The following MYO15A variants were observed in gnomAD, a reference collection of about 807,000 sequenced individuals.
MYO15A encodes the protein myosin XVA.
Under a neutral mutation model 394.6 loss-of-function variants are expected in MYO15A, and 308 were observed. The ratio of observed to expected loss-of-function variants is 0.78; its 90% CI spans 0.71 to 0.86. The LOEUF (loss-of-function observed/expected upper bound fraction) is 0.86, where lower values mean the gene tolerates loss of function less well. Among genes scored for constraint, MYO15A ranks in the 40% least tolerant of loss-of-function variants. The probability of loss-of-function intolerance (pLI) is 0.00; values close to 1 mark genes in which losing one functional copy is unlikely to be tolerated. For missense variants in MYO15A, 4,606 were observed against 4,799.1 expected, an observed-to-expected ratio of 0.96 and a Z score of 1.19; for synonymous variants, 1,957 against 2,003.8, an observed-to-expected ratio of 0.98 and a Z score of 0.62.
chr17:18,179,468 C>A lies in MYO15A; in HGVS notation c.*598C>A. On this transcript the variant is annotated 3_prime_UTR_variant, in exon 66 of 66. Coordinates refer to ENST00000647165, the MANE Select transcript of MYO15A (RefSeq NM_016239.4). Reference sequence around the variant, plus strand: ...AGGCAGGAGTTGGAGTTACCTTAGGCCCCTGATTCACTGCCTATGAACAGA... The same window carrying A: ...AGGCAGGAGTTGGAGTTACCTTAGGACCCTGATTCACTGCCTATGAACAGA... 5.5e-6 allele frequency: 1 copy of A among 181,628 alleles called. No individual in the cohort carries two copies. Among genetic ancestry groups the A allele is most frequent in the Non-Finnish European group, 1.2e-5 (1 of 84,248 alleles). 11.3% of individuals were successfully genotyped at this position (181,628 alleles called of 1,614,324 possible).
chr17:18,128,816 G>A (rs1397806034), intron 7 of MYO15A, among the ~76,000 whole-genome samples: 1 of 152,114 alleles, frequency 6.6e-6, no homozygotes, highest in Non-Finnish European at 1.5e-5. Flanking sequence ...GCTGAGATTT[G>A]CAGTCCATGG....
At chr17:18,134,120 G>T (rs2046220896) in intron 12 of MYO15A, among the ~76,000 whole-genome samples, 2 of 151,984 alleles carry the variant, frequency 1.3e-5, no homozygotes, top group African/African-American at 4.8e-5. Flanking sequence ...CTCCTGAGTA[G>T]CTGGGACTAC....
chr17:18,121,670 C>G lies in MYO15A; in HGVS notation c.2870C>G (p.Pro957Arg). The G allele has an allele frequency of 6.2e-7, 1 of 1,607,212 alleles. No homozygotes were observed. Among genetic ancestry groups the G allele is most frequent in the South Asian group, 1.1e-5 (1 of 90,336 alleles). ...AGCCGCCGAGGCTTTTCCAGGCCAC[C>G]CCCTGTGCCGGAAAACCCCTTTCTC... Reference protein sequence around the residue: ...AGSRRGFSRPPPVPENPFLQL... With the variant: ...AGSRRGFSRPRPVPENPFLQL... The change falls in exon 2 of 66, where the codon CCC (proline) becomes CGC (arginine). Residue 957 changes from proline to arginine, a missense_variant. Transcript: ENST00000647165. This position sits in a 1 kb window ranked among gnomAD's most constrained non-coding sequence, Gnocchi z 5.3.
chr17:18,124,698 A>C, intron 3 of MYO15A, 133 bp downstream of exon 3: 1 of 859,076 alleles, frequency 1.2e-6, no homozygotes, highest in Non-Finnish European at 1.8e-6. Flanking sequence ...GAAGTGTCAC[A>C]AAGACTAAAT....
Position 18,118,750 on chromosome 17 carries a change from C to T in MYO15A, c.-51C>T. 1.2e-6 allele frequency: 2 copies of T among 1,606,556 alleles called. No individual in the cohort carries two copies. Among genetic ancestry groups the T allele is most frequent in the South Asian group, 1.1e-5 (1 of 89,630 alleles). Reference sequence around the variant, plus strand: ...AGAGCAGGTCCCTGTGTCTCCAAGTCCCTGAGCCCGTGACACCGGCCCCAG... The same window carrying T: ...AGAGCAGGTCCCTGTGTCTCCAAGTTCCTGAGCCCGTGACACCGGCCCCAG... On this transcript the variant is annotated 5_prime_UTR_variant, in exon 2 of 66. Coordinates refer to ENST00000647165, the MANE Select transcript of MYO15A (RefSeq NM_016239.4).
rs373282811 is a variant in MYO15A, at chr17:18,163,363, C to A, written c.9690+42C>A. On this transcript the variant is annotated intron_variant, in intron 59 of 65. Coordinates refer to ENST00000647165, the MANE Select transcript of MYO15A (RefSeq NM_016239.4). ...CTCCTGCAGCCAGGTACTGGAGGGG[C>A]AGGGACAAGGACAGCCCAGGCTCCA... The A allele has an allele frequency of 7.8e-5, 124 of 1,595,198 alleles. No individual in the cohort carries two copies. In the African/African-American group the frequency reaches 1.3e-3, roughly 17 times the overall value.
rs2142242418 is a variant in MYO15A, at chr17:18,119,699, AT to A, written c.900del (p.Pro301ArgfsTer143). On this transcript the variant is annotated frameshift_variant, in exon 2 of 66. Coordinates refer to ENST00000647165, the MANE Select transcript of MYO15A (RefSeq NM_016239.4). LOFTEE classifies it high-confidence loss of function. The part of the protein sequence containing the change: ...YHPDYYGGPF[D>X]PGYTYGYGYD... ...CCCGACTATTACGGTGGCCCCTTTG[AT>A]CCGGGGTACACCTACGGCTACGGCT... is the stretch of plus-strand genomic sequence containing the variant. The A allele has an allele frequency of 6.2e-7, 1 of 1,610,084 alleles. No homozygotes were observed. The highest frequency in any genetic ancestry group is 2.2e-5 in the East Asian group (1 of 44,816).
At chr17:18,161,859 G>A (rs2046782041) in intron 57 of MYO15A, among the ~76,000 whole-genome samples, 1 of 151,944 alleles carries the variant, frequency 6.6e-6, no homozygotes, top group Non-Finnish European at 1.5e-5. Context: ...GCAGAGGTGG[G>A]CCCAAGCTGG....
Position 18,158,941 on chromosome 17 carries a change from A to G in MYO15A, c.9100A>G (p.Lys3034Glu). Residue 3034 changes from lysine (K) to glutamate (E), a missense_variant, in exon 53 of 66, where the codon AAA becomes GAA. Physicochemically the swap from Lys to Glu is moderately conservative, Grantham distance 56 (BLOSUM62 1). Transcript: ENST00000647165. ...QRRPQDGLRLKSKEPRESRTL... is the reference protein window; with the variant it reads ...QRRPQDGLRLESKEPRESRTL... Reference sequence around the variant, plus strand: ...CCACTGCAGGGATGGCCTCAGGCTGAAATCCAAGGAGCCTCGGGAGTCCAG... The same window carrying G: ...CCACTGCAGGGATGGCCTCAGGCTGGAATCCAAGGAGCCTCGGGAGTCCAG... 6.2e-7 allele frequency: 1 copy of G among 1,614,172 alleles called. No individual in the cohort carries two copies. The highest frequency in any genetic ancestry group is 8.5e-7 in the Non-Finnish European group (1 of 1,179,990).
chr17:18,132,060 T>C lies in MYO15A; in HGVS notation c.4207-393T>C, dbSNP rs927598275. On this transcript the variant is annotated intron_variant, in intron 10 of 65. Transcript: ENST00000647165. The surrounding 1 kb of genome is among the most constrained non-coding windows in gnomAD (Gnocchi z 4.6). Reference sequence around the variant, plus strand: ...TCTCTCTACGTTGTTCCCCACTATGTCCCAAGGGCCTAGGACAGGGCTTGG... The same window carrying C: ...TCTCTCTACGTTGTTCCCCACTATGCCCCAAGGGCCTAGGACAGGGCTTGG... Among the ~76,000 whole-genome samples, 2 of 152,106 alleles carry C rather than the reference T, an allele frequency of 1.3e-5. No individual in the cohort carries two copies. The highest frequency in any genetic ancestry group is 4.8e-5 in the African/African-American group (2 of 41,422).
chr17:18,119,524 G>C lies in MYO15A; in HGVS notation c.724G>C (p.Gly242Arg). The C allele has an allele frequency of 6.2e-7, 1 of 1,610,622 alleles. No homozygotes were observed. Among genetic ancestry groups the C allele is most frequent in the Non-Finnish European group, 8.5e-7 (1 of 1,179,966 alleles). ...CGAGTATTATGACTATCACCGCGAC[G>C]GCGACGACTACTACGACCGGCAGTC... ...LGEYYDYHRDGDDYYDRQSLH... is the reference protein window; with the variant it reads ...LGEYYDYHRDRDDYYDRQSLH... The change falls in exon 2 of 66, where the codon GGC becomes CGC. Residue 242 changes from glycine to arginine, a missense_variant. Gly to Arg is a moderately radical substitution (Grantham distance 125). Around this residue, in one of 2 missense-constraint regions of MYO15A, gnomAD observed 1,830 missense variants for 1,689.7 expected, o/e 1.08. Transcript: ENST00000647165.
rs1467404509 is a variant in MYO15A at position 18,120,882 on chromosome 17, C to T, written c.2082C>T (p.Tyr694=). The change falls in exon 2 of 66, where the codon TAC becomes TAT. Residue 694 remains tyrosine (Y), a synonymous_variant. Transcript: ENST00000647165. ...GCCTGCCCCGGCCGGCCTCGCCCTA[C>T]GGCTCCCTCCGCCGCCACCCGCCGC... The part of the protein sequence containing the change: ...LSGLPRPASP[Y]GSLRRHPPPW... 5.9e-6 allele frequency: 8 copies of T among 1,358,220 alleles called. No individual in the cohort carries two copies. The highest frequency in any genetic ancestry group is 3.1e-5 in the Admixed American group (1 of 31,942). 84.1% of individuals were successfully genotyped at this position (1,358,220 alleles called of 1,614,324 possible).
rs188485743 is a variant in MYO15A, at chr17:18,172,182, C to A, written c.10242C>A (p.Phe3414Leu). 3 of 1,614,074 alleles carry A rather than the reference C, an allele frequency of 1.9e-6. No individual in the cohort carries two copies. Among genetic ancestry groups the A allele is most frequent in the African/African-American group, 2.7e-5 (2 of 74,932 alleles). Residue 3414 changes from phenylalanine to leucine, a missense_variant, in exon 64 of 66, where the codon TTC (phenylalanine) becomes TTA (leucine). Transcript: ENST00000647165. ...FLGLLSALPM[F>L]GSSFFFIQSC... Reference sequence around the variant, plus strand: ...GCCTCCTCAGCGCCTTACCTATGTTCGGCTCCTCCTTCTTCTTCATCCAGA... The same window carrying A: ...GCCTCCTCAGCGCCTTACCTATGTTAGGCTCCTCCTTCTTCTTCATCCAGA...
At chr17:18,126,652 GGGGGTGGGAGCATTCCCCCAACAGGGTGA>G in intron 5 of MYO15A, 110 bp from the exon 6 acceptor site, 1 of 1,154,730 alleles carries the variant, frequency 8.7e-7, no homozygotes, top group East Asian at 2.3e-5. Context: ...AGACCAGGAT[GGGGGTGGGAGCATTCCCCCAACAGGGTGA>G]GGGGTGGGCA....
rs771275539 is a variant in MYO15A, at chr17:18,155,220, G to A, written c.8335G>A (p.Ala2779Thr). The A allele has an allele frequency of 1.1e-5, 17 of 1,613,830 alleles. No individual in the cohort carries two copies. The highest frequency in any genetic ancestry group is 1.6e-4 in the Middle Eastern group (1 of 6,084). The change falls in exon 46 of 66, where the codon GCC becomes ACC. Residue 2779 changes from alanine to threonine, a missense_variant. By Grantham distance (58) the Ala-to-Thr change is moderately conservative (BLOSUM62 0). This residue lies in a region of MYO15A where 2,776 missense variants were observed against 3,109.3 expected (regional missense o/e 0.89). Coordinates refer to ENST00000647165, the MANE Select transcript of MYO15A (RefSeq NM_016239.4). ...WEVYFSRIFP[A>T]TGSVGTGVQL... Reference sequence around the variant, plus strand: ...GGTCTACTTCTCCCGCATCTTCCCCGCCACGGTGCGAGCCCCTCACTTGCC... The same window carrying A: ...GGTCTACTTCTCCCGCATCTTCCCCACCACGGTGCGAGCCCCTCACTTGCC...
Position 18,163,697 on chromosome 17 carries a change from T to A in MYO15A, c.9691-45T>A, listed in dbSNP as rs750320638. 2.6e-6 allele frequency: 4 copies of A among 1,557,624 alleles called. No homozygotes were observed. In the South Asian group the frequency reaches 3.5e-5, roughly 13 times the overall value. On this transcript the variant is annotated intron_variant, in intron 59 of 65. Coordinates refer to ENST00000647165, the MANE Select transcript of MYO15A (RefSeq NM_016239.4). ...CTGAGTGGGGCCAGAAGGACAGAGG[T>A]CAAGCCCAACTGGCATGGCCTCATC...
At chr17:18,159,748 G>A (rs1372623917) in intron 55 of MYO15A, 69 bp downstream of exon 55, 1 of 1,560,166 alleles carries the variant, frequency 6.4e-7, no homozygotes, top group African/African-American at 1.4e-5. Context: ...ATCTATCAAT[G>A]AGTCACAGGA....
intron 13 of MYO15A, 111 bp from the exon 14 acceptor site, chr17:18,136,306 A>AACATCCCTCC: frequency 1.5e-6 from 2 of 1,346,546 alleles, no homozygotes; most frequent in Non-Finnish European, 2.1e-6. Flanking sequence ...GCACAGTCAC[A>AACATCCCTCC]ACATCCCTCC....
Position 18,132,305 on chromosome 17 carries a change from G to A in MYO15A, c.4207-148G>A, listed in dbSNP as rs2046181689. 2 of 670,610 alleles carry A rather than the reference G, an allele frequency of 3.0e-6. No individual in the cohort carries two copies. Among genetic ancestry groups the A allele is most frequent in the Non-Finnish European group, 5.4e-6 (2 of 371,528 alleles). The allele number at this position is 670,610 out of a possible 1,614,324, so 41.5% of individuals were successfully genotyped here. A position where few individuals can be genotyped will look rare whatever the true frequency, so the allele number is the denominator to read the frequency against. ...CTCACCCGCAGCTGGCACCAGGCTG[G>A]GAGCCTCACCCATCACAGAGGCGCG... On this transcript the variant is annotated intron_variant, in intron 10 of 65. Transcript: ENST00000647165. This position sits in a 1 kb window ranked among gnomAD's most constrained non-coding sequence, Gnocchi z 4.6.
Sources: allele counts gnomAD v4.1 joint callset (sites outside exome capture counted in the v4.1 genomes callset), GRCh38; gene constraint gnomAD v4.1.1; regional missense constraint gnomAD v4.1.1; non-coding constraint Gnocchi (gnomAD v3.1); transcripts MANE v1.5; gene names NCBI Gene and HGNC (gene_info 2026-07-23, HGNC 2026-07-21).